DENND1A: variants seen among roughly 807,000 people sequenced by gnomAD.
The protein encoded by DENND1A is DENN domain containing 1A.
Under a neutral mutation model 113.7 loss-of-function variants are expected in DENND1A, and 51 were observed. The ratio of observed to expected loss-of-function variants is 0.45; its 90% CI spans 0.36 to 0.57. The LOEUF is 0.57. DENND1A is among the 20% of genes least tolerant of loss of function. DENND1A has a pLI of 0.00. For missense variants in DENND1A, 1,258 were observed against 1,395.9 expected, an observed-to-expected ratio of 0.90 and a Z score of 1.57; for synonymous variants, 565 against 570.8, an observed-to-expected ratio of 0.99 and a Z score of 0.14.
At chr9:123,833,420 A>AATTT (rs1840577961) in intron 2 of DENND1A, among the ~76,000 whole-genome samples, 1 of 152,182 alleles carries the variant, frequency 6.6e-6, no homozygotes, top group Admixed American at 6.5e-5. Flanking sequence ...ACTTTTTGGC[A>AATTT]GACAATTTTT....
intron 11 of DENND1A, among the ~76,000 whole-genome samples, chr9:123,591,850 T>C (rs912166357): frequency 1.3e-5 from 2 of 152,196 alleles, no homozygotes; most frequent in African/African-American, 4.8e-5. Flanking sequence ...ACGATGGCAA[T>C]GATAACAATC....
chr9:123,746,389 T>C (rs946536943), intron 5 of DENND1A, among the ~76,000 whole-genome samples: 8 of 152,076 alleles, frequency 5.3e-5, no homozygotes, highest in East Asian at 1.9e-4. Context: ...TTTAAAAAGA[T>C]TGAAAAAAAA....
Position 123,610,968 on chromosome 9 carries a change from C to T in DENND1A, c.720-1487G>A, listed in dbSNP as rs544306112. ...TCATTACCATTCAACAAATAAAATT[C>T]AAGCAAAAATCCTTTCTTTCCCCAG... On this transcript the variant is annotated intron_variant, in intron 10 of 23. Coordinates refer to ENST00000394215, the MANE Select transcript of DENND1A (RefSeq NM_001352964.2). Among the ~76,000 whole-genome samples, 3 of 152,296 alleles carry T rather than the reference C, an allele frequency of 2.0e-5. No individual in the cohort carries two copies. In the South Asian group the frequency reaches 6.2e-4, roughly 32 times the overall value.
At chr9:123,672,940 C>A (rs2063836483) in intron 6 of DENND1A, among the ~76,000 whole-genome samples, 1 of 152,200 alleles carries the variant, frequency 6.6e-6, no homozygotes, top group African/African-American at 2.4e-5. Context: ...CCAATAATAT[C>A]CTTGGCAGCA....
Position 123,383,789 on chromosome 9 carries a change from T to C in DENND1A, c.1885A>G (p.Ile629Val). 6.2e-7 allele frequency: 1 copy of C among 1,614,122 alleles called. No homozygotes were observed. Among genetic ancestry groups the C allele is most frequent in the African/African-American group, 1.3e-5 (1 of 75,068 alleles). ...VPAPPDRAAS[I>V]DLLEDVFSNL... is the part of the protein sequence containing the mutation. ...CTGAAGACGTCTTCCAGAAGGTCGA[T>C]GCTGGCAGCCCGGTCAGGGGGAGCT... Residue 629 changes from isoleucine (I) to valine (V), a missense_variant, in exon 23 of 24, where the codon ATC (isoleucine) becomes GTC (valine). Ile to Val is a conservative substitution (Grantham distance 29). Around this residue, in one of 2 missense-constraint regions of DENND1A, gnomAD observed 1,159 missense variants for 1,231.7 expected, o/e 0.94. Coordinates refer to ENST00000394215, the MANE Select transcript of DENND1A (RefSeq NM_001352964.2).
intron 10 of DENND1A, among the ~76,000 whole-genome samples, chr9:123,626,019 G>A (rs577890306): frequency 5.5e-4 from 83 of 152,014 alleles, no homozygotes; most frequent in African/African-American, 1.8e-3. Context: ...AACCTCCTGC[G>A]TAGCTGGGAC....
At chr9:123,906,113 T>C (rs138429569) in intron 1 of DENND1A, among the ~76,000 whole-genome samples, 5,393 of 152,028 alleles carry the variant, frequency 0.035, 102 homozygotes, top group Middle Eastern at 0.048. Flanking sequence ...GACTACTGGA[T>C]ACATAACGCA....
chr9:123,506,924 G>A (rs1375534986), intron 13 of DENND1A, among the ~76,000 whole-genome samples: 3 of 152,152 alleles, frequency 2.0e-5, no homozygotes, highest in Non-Finnish European at 2.9e-5. Context: ...GTGGCTTAAC[G>A]CCTATAATCA....
intron 3 of DENND1A, among the ~76,000 whole-genome samples, chr9:123,791,282 T>A (rs1486394841): frequency 1.3e-5 from 2 of 152,112 alleles, no homozygotes; most frequent in East Asian, 3.8e-4. Flanking sequence ...TTATATATTG[T>A]CTAAAGAAAG....
intron 13 of DENND1A, among the ~76,000 whole-genome samples, chr9:123,503,296 A>G (rs1229740564): frequency 6.6e-6 from 1 of 152,206 alleles, no homozygotes; most frequent in Non-Finnish European, 1.5e-5. Context: ...GAACAACAGC[A>G]ATATCTTTTT....
At chr9:123,729,590 C>T (rs1375639019) in intron 5 of DENND1A, among the ~76,000 whole-genome samples, 1 of 152,156 alleles carries the variant, frequency 6.6e-6, no homozygotes. Flanking sequence ...CTACAAACCA[C>T]TGCTCAAGGA....
chr9:123,909,899 A>G (rs914307064), intron 1 of DENND1A, among the ~76,000 whole-genome samples: 1 of 152,232 alleles, frequency 6.6e-6, no homozygotes, highest in East Asian at 1.9e-4. Flanking sequence ...TAAAAACTAG[A>G]AAATGACATT....
At chr9:123,409,617 C>T (rs2131473624) in intron 20 of DENND1A, among the ~76,000 whole-genome samples, 1 of 151,882 alleles carries the variant, frequency 6.6e-6, no homozygotes, top group Non-Finnish European at 1.5e-5. Context: ...GTTAAGTTAC[C>T]AAGCATCAGT....
At position 123,564,059 on chromosome 9, in the gene DENND1A, G is replaced by A. The variant is rs576297444; in HGVS notation, c.868-6364C>T. On this transcript the variant is annotated intron_variant, in intron 12 of 23. Coordinates refer to ENST00000394215, the MANE Select transcript of DENND1A (RefSeq NM_001352964.2). ...GAGGAGGGAGGGCCTGTCTCCCAAG[G>A]ACTTCCAGTTTAGCCCCTACAAATC... Among the ~76,000 whole-genome samples, 99 of 152,236 alleles carry A rather than the reference G, an allele frequency of 6.5e-4. 2 individuals carry two copies. The South Asian group carries it at 9.3e-3, about 14-fold the overall frequency.
chr9:123,868,369 G>A (rs1353581473), intron 2 of DENND1A, among the ~76,000 whole-genome samples: 2 of 152,180 alleles, frequency 1.3e-5, no homozygotes, highest in Non-Finnish European at 1.5e-5. Flanking sequence ...AACAGTTGCT[G>A]AGTAGCAGAG....
At chr9:123,702,899 C>T (rs924785083) in intron 5 of DENND1A, among the ~76,000 whole-genome samples, 1 of 152,192 alleles carries the variant, frequency 6.6e-6, no homozygotes, top group African/African-American at 2.4e-5. Flanking sequence ...ATTTATAATA[C>T]TCTAATGCCA....
rs144200654 is a variant in DENND1A, at chr9:123,661,344, C to T, written c.507+5682G>A. Among the ~76,000 whole-genome samples the T allele has an allele frequency of 1.1e-4, 16 of 152,194 alleles. No homozygotes were observed. The East Asian group carries it at 1.5e-3, about 15-fold the overall frequency. On this transcript the variant is annotated intron_variant, in intron 8 of 23. Transcript: ENST00000394215. The stretch of plus-strand genomic sequence containing the variant: ...TGGTGACACCAGGTACAGTTGAGGA[C>T]GGGCAATAAAGCCTTTGACAGGCAA...
intron 2 of DENND1A, among the ~76,000 whole-genome samples, chr9:123,876,496 A>G (rs1847484924): frequency 6.6e-6 from 1 of 152,126 alleles, no homozygotes; most frequent in African/African-American, 2.4e-5. Flanking sequence ...GCAGGGGTGA[A>G]GGGTCATAAT....
At chr9:123,856,610 T>C (rs1844244147) in intron 2 of DENND1A, among the ~76,000 whole-genome samples, 1 of 152,130 alleles carries the variant, frequency 6.6e-6, no homozygotes, top group South Asian at 2.1e-4. Flanking sequence ...AGGAGGATTA[T>C]GCAGGGAACA....
Sources: gnomAD v4.1 joint callset for allele counts (sites outside exome capture counted in the v4.1 genomes callset) on GRCh38, gnomAD v4.1.1 for gene constraint, gnomAD v4.1.1 regional missense constraint, MANE v1.5 for transcripts, NCBI Gene and HGNC (gene_info 2026-07-23, HGNC 2026-07-21) for gene names.